Variants in GRID2 observed in about 807,000 individuals in gnomAD.
The protein encoded by GRID2 is glutamate ionotropic receptor delta type subunit 2, also known as glutamate receptor ionotropic, delta-2.
In GRID2, 33 loss-of-function variants were observed where a neutral mutation model predicts 114.8. The observed-to-expected ratio is 0.29, with a 90% CI of 0.22 to 0.38. GRID2 has a LOEUF of 0.38. GRID2 is among the 10% of genes least tolerant of loss of function. The pLI, the probability that GRID2 is intolerant of heterozygous loss-of-function variation, is 1.00. For synonymous variants in GRID2, 505 were observed against 449.9 expected, an observed-to-expected ratio of 1.12 and a Z score of -1.55; for missense variants, 1,184 against 1,257.7, an observed-to-expected ratio of 0.94 and a Z score of 0.89.
At chr4:93,246,503 C>T (rs891888166) in intron 8 of GRID2, among the ~76,000 whole-genome samples, 7 of 150,602 alleles carry the variant, frequency 4.6e-5, no homozygotes, top group South Asian at 2.1e-4. Flanking sequence ...AGGAGAATGG[C>T]GTGAACCTGG....
intron 10 of GRID2, among the ~76,000 whole-genome samples, chr4:93,451,077 G>T (rs1178075797): frequency 6.6e-6 from 1 of 151,882 alleles, no homozygotes; most frequent in Non-Finnish European, 1.5e-5. Flanking sequence ...TTTAGTAGGG[G>T]CTCCATCTTT....
intron 2 of GRID2, among the ~76,000 whole-genome samples, chr4:92,721,559 A>G (rs1226847685): frequency 6.6e-6 from 1 of 152,178 alleles, no homozygotes; most frequent in Non-Finnish European, 1.5e-5. Context: ...GCAAGAGAAA[A>G]GTACTAAAAA....
intron 12 of GRID2, among the ~76,000 whole-genome samples, chr4:93,503,994 A>G (rs1208597163): frequency 6.6e-6 from 1 of 152,080 alleles, no homozygotes; most frequent in Non-Finnish European, 1.5e-5. Flanking sequence ...TTCATTAGAT[A>G]CTTCACTGAA....
chr4:92,930,901 G>C (rs1750180776), intron 2 of GRID2, among the ~76,000 whole-genome samples: 1 of 150,812 alleles, frequency 6.6e-6, no homozygotes, highest in Non-Finnish European at 1.5e-5. Context: ...GAAAACTCCA[G>C]GCACGGAAAG....
At chr4:92,589,501 A>G (rs905561080) in intron 1 of GRID2, among the ~76,000 whole-genome samples, 1 of 152,244 alleles carries the variant, frequency 6.6e-6, no homozygotes, top group Non-Finnish European at 1.5e-5. Flanking sequence ...ATATTTACAC[A>G]TGGATAAAAA....
chr4:92,562,844 A>G (rs1157084537), intron 1 of GRID2, among the ~76,000 whole-genome samples: 5 of 152,210 alleles, frequency 3.3e-5, no homozygotes, highest in Non-Finnish European at 5.9e-5. Flanking sequence ...TACATCATGT[A>G]TATGTAAAAT....
chr4:92,559,591 G>GTCAAAGCA (rs1185725545), intron 1 of GRID2, among the ~76,000 whole-genome samples: 7 of 152,122 alleles, frequency 4.6e-5, no homozygotes, highest in African/African-American at 1.7e-4. Flanking sequence ...GTCTTCCACA[G>GTCAAAGCA]TCAAAGCAAG....
intron 1 of GRID2, among the ~76,000 whole-genome samples, chr4:92,475,815 C>G (rs972155530): frequency 1.3e-5 from 2 of 151,820 alleles, no homozygotes; most frequent in Non-Finnish European, 2.9e-5. Flanking sequence ...GATATCCTTT[C>G]ATTTATTTGT....
At chr4:92,501,957 AACTT>A (rs543149137) in intron 1 of GRID2, among the ~76,000 whole-genome samples, 79 of 152,128 alleles carry the variant, frequency 5.2e-4, no homozygotes, top group Non-Finnish European at 9.6e-4. Flanking sequence ...TAAATTTTTA[AACTT>A]ACTTTCCTTC....
At chr4:92,587,036 G>T (rs1579633590) in intron 1 of GRID2, among the ~76,000 whole-genome samples, 1 of 150,560 alleles carries the variant, frequency 6.6e-6, no homozygotes. Context: ...CTGCTTTATT[G>T]ATTGGTTATT....
intron 2 of GRID2, among the ~76,000 whole-genome samples, chr4:93,013,159 A>G (rs1722352345): frequency 6.6e-6 from 1 of 152,054 alleles, no homozygotes; most frequent in Non-Finnish European, 1.5e-5. Flanking sequence ...CCTTTTAATC[A>G]CAATCTAAGA....
intron 8 of GRID2, among the ~76,000 whole-genome samples, chr4:93,380,834 G>A (rs189961188): frequency 5.8e-4 from 88 of 152,040 alleles, no homozygotes; most frequent in Middle Eastern, 3.4e-3. Flanking sequence ...TATTACTAAG[G>A]TTCCTGCGGA....
chr4:93,712,698 A>G (rs1371574807), intron 14 of GRID2, among the ~76,000 whole-genome samples: 3 of 152,294 alleles, frequency 2.0e-5, no homozygotes, highest in South Asian at 4.1e-4. Context: ...ACATAAATAA[A>G]TTATTTTATT....
chr4:92,983,640 A>G (rs961463344), intron 2 of GRID2, among the ~76,000 whole-genome samples: 6 of 152,120 alleles, frequency 3.9e-5, no homozygotes, highest in African/African-American at 1.4e-4. Flanking sequence ...ATTCATTATT[A>G]TAATTTCTTA....
At chr4:93,702,279 A>G (rs1186218289) in intron 14 of GRID2, among the ~76,000 whole-genome samples, 1 of 152,180 alleles carries the variant, frequency 6.6e-6, no homozygotes, top group Admixed American at 6.5e-5. Flanking sequence ...TGTAAAACAA[A>G]TAATTGTTTT....
At chr4:92,526,546 G>A (rs1725055729) in intron 1 of GRID2, among the ~76,000 whole-genome samples, 1 of 152,042 alleles carries the variant, frequency 6.6e-6, no homozygotes, top group African/African-American at 2.4e-5. Context: ...GTTTCACCAT[G>A]TTGGCCAGGC....
intron 1 of GRID2, among the ~76,000 whole-genome samples, chr4:92,385,331 A>G (rs1186818564): frequency 6.6e-6 from 1 of 151,794 alleles, no homozygotes; most frequent in African/African-American, 2.4e-5. Context: ...TTTTGTTGTT[A>G]GTATTATTTG....
intron 13 of GRID2, among the ~76,000 whole-genome samples, chr4:93,575,362 G>C (rs1387327989): frequency 6.6e-6 from 1 of 152,128 alleles, no homozygotes; most frequent in African/African-American, 2.4e-5. Flanking sequence ...TGTACTCCTT[G>C]TTTCAAGATG....
chr4:92,516,050 T>C (rs1262664352), intron 1 of GRID2, among the ~76,000 whole-genome samples: 2 of 151,948 alleles, frequency 1.3e-5, no homozygotes, highest in African/African-American at 4.8e-5. Flanking sequence ...CAGATACATG[T>C]AAAAGAAAAG....
Sources: gnomAD v4.1 joint callset for allele counts (sites outside exome capture counted in the v4.1 genomes callset) on GRCh38, gnomAD v4.1.1 for gene constraint, MANE v1.5 for transcripts, NCBI Gene and HGNC (gene_info 2026-07-23, HGNC 2026-07-21) for gene names.